The following DOK6 variants were observed in gnomAD, a reference collection of about 807,000 sequenced individuals.
The protein encoded by DOK6 is downstream of tyrosine kinase 6.
Under a neutral mutation model 44.0 loss-of-function variants are expected in DOK6, and 22 were observed. The ratio of observed to expected loss-of-function variants is 0.50; its 90% CI spans 0.36 to 0.71. DOK6 has a LOEUF of 0.71. Among genes scored for constraint, DOK6 ranks in the 30% least tolerant of loss-of-function variants. The pLI, the probability that DOK6 is intolerant of heterozygous loss-of-function variation, is 0.00. For synonymous variants in DOK6, 166 were observed against 145.5 expected (o/e 1.14, Z -1.01); for missense variants, 340 against 416.4 (o/e 0.82, Z 1.60).
chr18:69,604,514 C>T (rs74379657), intron 3 of DOK6, among the ~76,000 whole-genome samples: 4,627 of 152,240 alleles, frequency 0.03, 92 homozygotes, highest in East Asian at 0.12. Context: ...TTTTCAACTA[C>T]TTTAAATATG....
intron 1 of DOK6, among the ~76,000 whole-genome samples, chr18:69,509,204 T>C (rs570915366): frequency 6.6e-6 from 1 of 152,302 alleles, no homozygotes; most frequent in East Asian, 1.9e-4. Context: ...AATTACCAAG[T>C]CCTGGTTCCC....
chr18:69,441,305 T>G (rs1979131027), intron 1 of DOK6, among the ~76,000 whole-genome samples: 1 of 152,172 alleles, frequency 6.6e-6, no homozygotes, highest in Admixed American at 6.5e-5. Context: ...GTTGTTTGTT[T>G]CTTTTCTGTC....
At chr18:69,614,929 G>A (rs145313680) in intron 3 of DOK6, among the ~76,000 whole-genome samples, 158 of 152,100 alleles carry the variant, frequency 1.0e-3, no homozygotes, top group African/African-American at 3.5e-3. Context: ...AAAGATTGGA[G>A]GGGCTCACTT....
chr18:69,840,101 A>G (rs1982172435), intron 7 of DOK6, among the ~76,000 whole-genome samples: 2 of 152,364 alleles, frequency 1.3e-5, no homozygotes, highest in South Asian at 4.1e-4. Context: ...CACGTCGCCA[A>G]ACACACCTGG....
At chr18:69,828,755 C>T (rs761873518) in intron 7 of DOK6, among the ~76,000 whole-genome samples, 4 of 150,468 alleles carry the variant, frequency 2.7e-5, no homozygotes, top group Non-Finnish European at 5.9e-5. Context: ...GCAGTTTTCC[C>T]ACTCAAATAT....
rs550035269 is a variant in DOK6 at position 69,613,487 on chromosome 18, G to A, written c.289+13989G>A. 2.6e-3 allele frequency among the ~76,000 whole-genome samples: 394 copies of A among 152,158 alleles called. 3 individuals are homozygous for A. The highest frequency in any genetic ancestry group is 9.1e-3 in the African/African-American group (378 of 41,510). On this transcript the variant is annotated intron_variant, in intron 3 of 7. Transcript: ENST00000382713. ...GTTTGGTTAATAGACTCTGCCACTG[G>A]AGAAATAAACCACTAATTATTTTTA...
chr18:69,762,190 C>T (rs1979582183), intron 7 of DOK6, among the ~76,000 whole-genome samples: 1 of 150,766 alleles, frequency 6.6e-6, no homozygotes, highest in African/African-American at 2.5e-5. Context: ...TACATACATA[C>T]ATATTGCAGG....
intron 3 of DOK6, among the ~76,000 whole-genome samples, chr18:69,622,795 A>G (rs1180060357): frequency 6.6e-6 from 1 of 152,256 alleles, no homozygotes; most frequent in Non-Finnish European, 1.5e-5. Context: ...TGAAACTTTA[A>G]AACAATTATT....
chr18:69,499,121 A>G (rs1376745582), intron 1 of DOK6, among the ~76,000 whole-genome samples: 7 of 152,116 alleles, frequency 4.6e-5, no homozygotes, highest in Admixed American at 4.6e-4. Context: ...TGCTGAACAC[A>G]ATTTTCAGAG....
chr18:69,440,439 C>A (rs566675385), intron 1 of DOK6, among the ~76,000 whole-genome samples: 32 of 152,082 alleles, frequency 2.1e-4, no homozygotes, highest in Non-Finnish European at 4.4e-4. Context: ...GCAATATCTG[C>A]AAAACACAAT....
intron 1 of DOK6, among the ~76,000 whole-genome samples, chr18:69,549,257 T>A (rs1052313496): frequency 5.9e-5 from 9 of 151,620 alleles, no homozygotes; most frequent in African/African-American, 2.2e-4. Flanking sequence ...TTAGAAAAAA[T>A]GCTGTCTAAT....
At chr18:69,460,792 T>A (rs1454618382) in intron 1 of DOK6, among the ~76,000 whole-genome samples, 1 of 152,222 alleles carries the variant, frequency 6.6e-6, no homozygotes, top group African/African-American at 2.4e-5. Flanking sequence ...CCCTCTTTCA[T>A]TCTTCATAAG....
chr18:69,518,235 C>T (rs1981586849), intron 1 of DOK6, among the ~76,000 whole-genome samples: 1 of 152,068 alleles, frequency 6.6e-6, no homozygotes, highest in African/African-American at 2.4e-5. Context: ...ATTGTAAAGA[C>T]CTGAATACCA....
intron 5 of DOK6, among the ~76,000 whole-genome samples, chr18:69,737,286 C>G (rs570482831): frequency 1.3e-5 from 2 of 152,106 alleles, no homozygotes; most frequent in Non-Finnish European, 2.9e-5. Flanking sequence ...GAAGGTGAAA[C>G]GGAAGCAGGG....
intron 1 of DOK6, among the ~76,000 whole-genome samples, chr18:69,483,409 T>C (rs1016841676): frequency 2.0e-5 from 3 of 152,040 alleles, no homozygotes; most frequent in African/African-American, 7.3e-5. Context: ...TGTTCTTTAA[T>C]GATACAGTGA....
intron 1 of DOK6, among the ~76,000 whole-genome samples, chr18:69,405,467 C>G (rs1027905785): frequency 6.6e-6 from 1 of 152,100 alleles, no homozygotes; most frequent in Admixed American, 6.5e-5. Context: ...ATAGTCCCAG[C>G]TACTCAGGAG....
chr18:69,614,664 A>G (rs1163700328), intron 3 of DOK6, among the ~76,000 whole-genome samples: 2 of 152,122 alleles, frequency 1.3e-5, no homozygotes, highest in Non-Finnish European at 2.9e-5. Context: ...AACTGTAAAT[A>G]GAAATTAATT....
At chr18:69,497,939 A>G (rs1295619181) in intron 1 of DOK6, among the ~76,000 whole-genome samples, 1 of 152,022 alleles carries the variant, frequency 6.6e-6, no homozygotes, top group Non-Finnish European at 1.5e-5. Flanking sequence ...GCAGTGAGCT[A>G]TGATTGCACC....
intron 1 of DOK6, among the ~76,000 whole-genome samples, chr18:69,502,671 A>C (rs1348996726): frequency 6.6e-6 from 1 of 152,034 alleles, no homozygotes; most frequent in African/African-American, 2.4e-5. Flanking sequence ...CTCAAATCCC[A>C]TGTTATTTAG....
Sources: allele counts gnomAD v4.1 joint callset (sites outside exome capture counted in the v4.1 genomes callset), GRCh38; gene constraint gnomAD v4.1.1; transcripts MANE v1.5; gene names NCBI Gene and HGNC (gene_info 2026-07-23, HGNC 2026-07-21).